The following RBFOX1 variants were observed in gnomAD, a reference collection of about 807,000 sequenced individuals.
RBFOX1 encodes RNA binding protein fox-1 homolog 1.
RBFOX1 carries 8 observed loss-of-function variants against 57.7 expected under a neutral mutation model. The ratio of observed to expected loss-of-function variants is 0.14; its 90% CI spans 0.08 to 0.25. The LOEUF is 0.25. RBFOX1 is among the 10% of genes least tolerant of loss of function. The probability of loss-of-function intolerance (pLI) is 1.00; values close to 1 mark genes in which losing one functional copy is unlikely to be tolerated. For synonymous variants in RBFOX1, 326 were observed against 222.4 expected (o/e 1.47, Z -4.15); for missense variants, 611 against 548.5 (o/e 1.11, Z -1.14).
intron 1 of RBFOX1, among the ~76,000 whole-genome samples, chr16:5,370,929 T>C (rs892337676): frequency 6.6e-6 from 1 of 152,202 alleles, no homozygotes; most frequent in Non-Finnish European, 1.5e-5. Context: ...CAAATTCACA[T>C]GTTGAATCCC....
chr16:6,890,249 T>C (rs1305804702), intron 3 of RBFOX1, among the ~76,000 whole-genome samples: 3 of 152,194 alleles, frequency 2.0e-5, no homozygotes, highest in Non-Finnish European at 1.5e-5. Context: ...GTGGGCATGG[T>C]AGCTCATGCC....
At chr16:6,734,819 T>C (rs1248234426) in intron 3 of RBFOX1, among the ~76,000 whole-genome samples, 2 of 152,312 alleles carry the variant, frequency 1.3e-5, no homozygotes, top group South Asian at 2.1e-4. Flanking sequence ...GAAATCTAGA[T>C]GCATAAAGCA....
At chr16:6,666,540 C>CAAAAAAAAAAAAAAAAAAAAAAAAAA (rs35935992) in intron 3 of RBFOX1, among the ~76,000 whole-genome samples, 1 of 81,464 alleles carries the variant, frequency 1.2e-5, no homozygotes, top group Non-Finnish European at 2.7e-5. Flanking sequence ...ACTCTGTCTC[C>CAAAAAAAAAAAAAAAAAAAAAAAAAA]AAAAAAAAAA....
rs1452996712 is a variant in RBFOX1 at position 6,663,137 on chromosome 16, C to G, written c.-16+8487C>G. ...GTGGAAGGCAGACTGGAGGATGGGT[C>G]TGAACTAGAGCCATGTAGGAGATGG... On this transcript the variant is annotated intron_variant, in intron 3 of 15. Transcript: ENST00000550418. Among the ~76,000 whole-genome samples the G allele has an allele frequency of 3.9e-5, 6 of 152,096 alleles. No individual in the cohort carries two copies. In the South Asian group the frequency reaches 1.0e-3, roughly 26 times the overall value.
chr16:6,944,827 G>T (rs1293496761), intron 3 of RBFOX1, among the ~76,000 whole-genome samples: 1 of 152,134 alleles, frequency 6.6e-6, no homozygotes, highest in Admixed American at 6.5e-5. Context: ...AGGGCTTTGG[G>T]TATGATTTGT....
intron 4 of RBFOX1, among the ~76,000 whole-genome samples, chr16:7,381,322 C>G (rs1368781958): frequency 6.6e-6 from 1 of 152,060 alleles, no homozygotes; most frequent in African/African-American, 2.4e-5. Context: ...GCAAGTAATG[C>G]ATATAACTTG....
At chr16:6,729,901 C>T (rs944504689) in intron 3 of RBFOX1, among the ~76,000 whole-genome samples, 3 of 152,022 alleles carry the variant, frequency 2.0e-5, no homozygotes, top group African/African-American at 7.2e-5. Flanking sequence ...GGAGATACAA[C>T]ATGTAAAACT....
intron 3 of RBFOX1, among the ~76,000 whole-genome samples, chr16:5,645,566 T>C (rs923675260): frequency 3.9e-5 from 6 of 152,230 alleles, no homozygotes; most frequent in African/African-American, 1.4e-4. Flanking sequence ...GTTATATGAA[T>C]TTTGCTTCAA....
At chr16:6,952,030 C>T (rs1378808712) in intron 3 of RBFOX1, among the ~76,000 whole-genome samples, 1 of 152,184 alleles carries the variant, frequency 6.6e-6, no homozygotes, top group Non-Finnish European at 1.5e-5. Flanking sequence ...ATTGTGGCCA[C>T]TGTTGAAAAA....
chr16:7,384,456 A>AG (rs554590901), intron 4 of RBFOX1, among the ~76,000 whole-genome samples: 157 of 152,320 alleles, frequency 1.0e-3, no homozygotes, highest in African/African-American at 3.7e-3. Context: ...CTGATATTGA[A>AG]GAGCTGCTTA....
At chr16:6,950,884 T>C (rs2153523322) in intron 3 of RBFOX1, among the ~76,000 whole-genome samples, 1 of 149,988 alleles carries the variant, frequency 6.7e-6, no homozygotes, top group South Asian at 2.2e-4. Flanking sequence ...TCTCTCTTTC[T>C]GTTTCTTTTC....
intron 3 of RBFOX1, among the ~76,000 whole-genome samples, chr16:5,687,505 G>A (rs1188433702): frequency 6.6e-6 from 1 of 152,224 alleles, no homozygotes; most frequent in Non-Finnish European, 1.5e-5. Context: ...CTGAAGCTAT[G>A]TTCGAATGCT....
At chr16:6,495,379 C>A (rs1268027069) in intron 2 of RBFOX1, among the ~76,000 whole-genome samples, 1 of 151,528 alleles carries the variant, frequency 6.6e-6, no homozygotes, top group Non-Finnish European at 1.5e-5. Flanking sequence ...CCCGCCCCCG[C>A]CTTGGCCTCC....
intron 1 of RBFOX1, among the ~76,000 whole-genome samples, chr16:6,150,835 TC>T (rs1259226703): frequency 3.3e-5 from 5 of 152,152 alleles, no homozygotes; most frequent in African/African-American, 1.2e-4. Flanking sequence ...GAGCCAGTTT[TC>T]CTCACCTGAG....
chr16:5,694,685 G>A (rs2050794382), intron 3 of RBFOX1, among the ~76,000 whole-genome samples: 1 of 151,890 alleles, frequency 6.6e-6, no homozygotes, highest in African/African-American at 2.4e-5. Context: ...ACCTCTTAGG[G>A]AGACTGGCCC....
At chr16:7,026,748 G>T (rs997696824) in intron 3 of RBFOX1, among the ~76,000 whole-genome samples, 1 of 152,138 alleles carries the variant, frequency 6.6e-6, no homozygotes, top group Admixed American at 6.5e-5. Flanking sequence ...ACCCAATTCC[G>T]AGGCCTCAAC....
chr16:5,327,451 C>G (rs771145187), intron 1 of RBFOX1, among the ~76,000 whole-genome samples: 13 of 152,220 alleles, frequency 8.5e-5, no homozygotes, highest in Non-Finnish European at 5.9e-5. Context: ...TCAAAATCGT[C>G]TAAAACTGGG....
intron 2 of RBFOX1, among the ~76,000 whole-genome samples, chr16:5,532,477 T>A (rs2044525326): frequency 6.6e-6 from 1 of 152,168 alleles, no homozygotes. Flanking sequence ...GACCCCCTGG[T>A]GAGTCAGATG....
chr16:6,915,359 G>T (rs902184030), intron 3 of RBFOX1, among the ~76,000 whole-genome samples: 1 of 152,134 alleles, frequency 6.6e-6, no homozygotes, highest in African/African-American at 2.4e-5. Flanking sequence ...TTGCTCTACA[G>T]ATTAGAAAGG....
Sources: gnomAD v4.1 joint callset for allele counts (sites outside exome capture counted in the v4.1 genomes callset) on GRCh38, gnomAD v4.1.1 for gene constraint, MANE v1.5 for transcripts, NCBI Gene and HGNC (gene_info 2026-07-23, HGNC 2026-07-21) for gene names.